Variants in LIPH observed in about 807,000 individuals in gnomAD.
LIPH encodes the protein lipase H, also known as lipase member H.
Under a neutral mutation model 47.6 loss-of-function variants are expected in LIPH, and 32 were observed. The observed-to-expected ratio is 0.67, with a 90% confidence interval of 0.51 to 0.90. The LOEUF (loss-of-function observed/expected upper bound fraction) is 0.90, where lower values mean the gene tolerates loss of function less well. Among genes scored for constraint, LIPH ranks in the 40% least tolerant of loss-of-function variants. The pLI, the probability that LIPH is intolerant of heterozygous loss-of-function variation, is 0.00. For synonymous variants in LIPH, 190 were observed against 195.6 expected, an observed-to-expected ratio of 0.97 and a Z score of 0.24; for missense variants, 497 against 541.4, an observed-to-expected ratio of 0.92 and a Z score of 0.81.
intron 5 of LIPH, among the ~76,000 whole-genome samples, chr3:185,521,395 C>T (rs1301908668): frequency 2.6e-5 from 4 of 152,108 alleles, no homozygotes; most frequent in Admixed American, 2.0e-4. Context: ...TAGTGGGTTC[C>T]GCTGTTTGCT....
At position 185,535,103 on chromosome 3, in the gene LIPH, T is replaced by A. The variant is rs1230170778; in HGVS notation, c.79A>T (p.Arg27Trp). The change falls in exon 2 of 10, where the codon AGG becomes TGG. Residue 27 changes from arginine (R) to tryptophan (W), a missense_variant. Arg to Trp is a moderately radical substitution (Grantham distance 101). Transcript: ENST00000296252. The part of the protein sequence containing the change: ...DAEETCPSFT[R>W]LSFHSAVVGT... ...ACCACTGCACTGTGAAAGCTCAGCC[T>A]GGTGAATGAAGGACATGTTTCTTCT... is the stretch of plus-strand genomic sequence containing the variant. 6.2e-7 allele frequency: 1 copy of A among 1,614,178 alleles called. No homozygotes were observed. The highest frequency in any genetic ancestry group is 1.1e-5 in the South Asian group (1 of 91,086).
intron 4 of LIPH, among the ~76,000 whole-genome samples, chr3:185,525,281 A>G (rs1720033249): frequency 6.6e-6 from 1 of 152,128 alleles, no homozygotes; most frequent in African/African-American, 2.4e-5. Context: ...TCTTTATTAA[A>G]CCCCCAATCA....
At chr3:185,534,350 G>A (rs1720435175) in intron 2 of LIPH, among the ~76,000 whole-genome samples, 1 of 149,214 alleles carries the variant, frequency 6.7e-6, no homozygotes, top group Admixed American at 6.7e-5. Flanking sequence ...ACGAGATTCC[G>A]TCTCAAAAAA....
chr3:185,528,594 C>T (rs1720202385), intron 3 of LIPH, among the ~76,000 whole-genome samples: 1 of 152,160 alleles, frequency 6.6e-6, no homozygotes, highest in Non-Finnish European at 1.5e-5. Flanking sequence ...GCAACCACTT[C>T]TATCTGTTGA....
chr3:185,518,905 G>T (rs1478739156), intron 6 of LIPH, among the ~76,000 whole-genome samples: 3 of 151,278 alleles, frequency 2.0e-5, no homozygotes, highest in Non-Finnish European at 4.4e-5. Flanking sequence ...TTGTATTTTT[G>T]TAGAGACAGG....
rs1719408029 is a variant in LIPH, at chr3:185,507,304, G to A, written c.*1486C>T. On this transcript the variant is annotated 3_prime_UTR_variant, in exon 10 of 10. Coordinates refer to ENST00000296252, the MANE Select transcript of LIPH (RefSeq NM_139248.3). ...GGAGAATCAATTGAACCTGGGAGGT[G>A]GAGGTTGCAGTGAGCTGAGATCGTA... The A allele has an allele frequency of 6.6e-6, 1 of 151,886 alleles. No homozygotes were observed. Among genetic ancestry groups the A allele is most frequent in the Non-Finnish European group, 1.5e-5 (1 of 67,996 alleles). 9.4% of individuals were successfully genotyped at this position (151,886 alleles called of 1,614,324 possible). A position where few individuals can be genotyped will look rare whatever the true frequency, so the allele number is the denominator to read the frequency against.
chr3:185,549,875 G>T (rs929542839), intron 1 of LIPH, among the ~76,000 whole-genome samples: 1 of 152,132 alleles, frequency 6.6e-6, no homozygotes, highest in Non-Finnish European at 1.5e-5. Context: ...AATTTTTTAA[G>T]ATGTAGATTC....
chr3:185,522,636 GAA>G (rs1560160764), intron 5 of LIPH, among the ~76,000 whole-genome samples: 2 of 138,926 alleles, frequency 1.4e-5, no homozygotes, highest in African/African-American at 2.7e-5. Context: ...AGAAGGAAAA[GAA>G]AGAGAGAAAG....
Position 185,527,406 on chromosome 3 carries a change from C to T in LIPH, c.628+78G>A, listed in dbSNP as rs532026187. 25 of 1,000,580 alleles carry T rather than the reference C, an allele frequency of 2.5e-5. No individual in the cohort carries two copies. The Admixed American group carries it at 3.2e-4, about 13-fold the overall frequency. 62.0% of individuals were successfully genotyped at this position (1,000,580 alleles called of 1,614,324 possible). ...GAATCTAGAGGAACCTGATCTGCTC[C>T]TACATGATTATCTCTCCCCAGGGGA... On this transcript the variant is annotated intron_variant, in intron 4 of 9. Transcript: ENST00000296252.
intron 1 of LIPH, among the ~76,000 whole-genome samples, chr3:185,538,438 G>C (rs1380746219): frequency 6.6e-6 from 1 of 152,112 alleles, no homozygotes; most frequent in African/African-American, 2.4e-5. Context: ...AGGGAGCTTG[G>C]TCTGGTCTGG....
chr3:185,544,128 AGC>A (rs1321402987), intron 1 of LIPH, among the ~76,000 whole-genome samples: 1 of 151,808 alleles, frequency 6.6e-6, no homozygotes, highest in Non-Finnish European at 1.5e-5. Context: ...TAGGATTACA[AGC>A]TTGAGCCAGC....
At chr3:185,548,081 T>C (rs1720934189) in intron 1 of LIPH, among the ~76,000 whole-genome samples, 1 of 152,154 alleles carries the variant, frequency 6.6e-6, no homozygotes, top group African/African-American at 2.4e-5. Flanking sequence ...TGAAGTTTTT[T>C]TAGGCCAGAA....
intron 1 of LIPH, among the ~76,000 whole-genome samples, chr3:185,548,133 G>A (rs116959313): frequency 0.042 from 6,379 of 152,154 alleles, 259 homozygotes; most frequent in East Asian, 0.24. Context: ...GGGGCCGGGC[G>A]CAGTGGCTCA....
intron 3 of LIPH, among the ~76,000 whole-genome samples, chr3:185,529,263 C>A (rs1346277492): frequency 6.7e-6 from 1 of 148,314 alleles, no homozygotes; most frequent in Non-Finnish European, 1.5e-5. Context: ...TCTGGTTTAC[C>A]AGATCCCTAC....
At chr3:185,540,766 G>A (rs192505193) in intron 1 of LIPH, among the ~76,000 whole-genome samples, 1 of 151,374 alleles carries the variant, frequency 6.6e-6, no homozygotes, top group East Asian at 1.9e-4. Context: ...CCTTTTTCAT[G>A]GAATGTAGAT....
intron 5 of LIPH, 101 bp from the exon 6 acceptor site, chr3:185,519,410 G>A (rs917917041): frequency 4.3e-5 from 34 of 781,996 alleles, no homozygotes; most frequent in Middle Eastern, 7.0e-4. Context: ...CTGGCCCTGC[G>A]CTCTTTCAGT....
chr3:185,515,090 C>T (rs1719685711), intron 7 of LIPH, among the ~76,000 whole-genome samples: 1 of 152,158 alleles, frequency 6.6e-6, no homozygotes, highest in Admixed American at 6.5e-5. Context: ...TCCTGACCCC[C>T]AGACTAAGTC....
intron 6 of LIPH, among the ~76,000 whole-genome samples, chr3:185,518,571 T>C (rs779953214): frequency 6.6e-6 from 1 of 151,926 alleles, no homozygotes; most frequent in Non-Finnish European, 1.5e-5. Flanking sequence ...TGAGCTACCA[T>C]GCCCAGTCTA....
chr3:185,533,824 A>G (rs1720416136), intron 2 of LIPH, 145 bp from the exon 3 acceptor site: 1 of 638,768 alleles, frequency 1.6e-6, no homozygotes, highest in Non-Finnish European at 2.8e-6. Context: ...ACATCCATGC[A>G]AAGTAAATAC....
Sources: allele counts gnomAD v4.1 joint callset (sites outside exome capture counted in the v4.1 genomes callset), GRCh38; gene constraint gnomAD v4.1.1; transcripts MANE v1.5; gene names NCBI Gene and HGNC (gene_info 2026-07-23, HGNC 2026-07-21).